Variants in SKAP1 observed in about 807,000 individuals in gnomAD.
SKAP1 encodes the protein src kinase-associated phosphoprotein 1.
Under a neutral mutation model 58.5 loss-of-function variants are expected in SKAP1, and 44 were observed. The observed-to-expected ratio is 0.75, with a 90% confidence interval of 0.59 to 0.97. The LOEUF (loss-of-function observed/expected upper bound fraction) is 0.97. Among genes scored for constraint, SKAP1 ranks in the 50% least tolerant of loss-of-function variants. The pLI is 0.00. For missense variants in SKAP1, 390 were observed against 435.2 expected (o/e 0.90, Z 0.92); for synonymous variants, 127 against 149.7 (o/e 0.85, Z 1.11).
chr17:48,311,138 A>G (rs1366849642), intron 4 of SKAP1, among the ~76,000 whole-genome samples: 3 of 152,104 alleles, frequency 2.0e-5, no homozygotes, highest in Admixed American at 6.5e-5. Flanking sequence ...TCTCACAATG[A>G]AAGCCCATCT....
At chr17:48,219,402 A>C (rs2064976188) in intron 4 of SKAP1, among the ~76,000 whole-genome samples, 1 of 152,242 alleles carries the variant, frequency 6.6e-6, no homozygotes, top group East Asian at 1.9e-4. Context: ...CCTCAAATAA[A>C]GCACCAGTTC....
chr17:48,176,286 T>C (rs2064289017), intron 9 of SKAP1, among the ~76,000 whole-genome samples: 1 of 152,202 alleles, frequency 6.6e-6, no homozygotes, highest in Admixed American at 6.5e-5. Flanking sequence ...CCGTTGCCAT[T>C]GCAGCTGCTA....
At chr17:48,216,787 T>C (rs1304975951) in intron 4 of SKAP1, among the ~76,000 whole-genome samples, 1 of 152,158 alleles carries the variant, frequency 6.6e-6, no homozygotes, top group African/African-American at 2.4e-5. Context: ...CCACTGCACC[T>C]GGCCTGAATA....
chr17:48,185,537 AGAG>A (rs2064437928), intron 6 of SKAP1, among the ~76,000 whole-genome samples: 1 of 152,172 alleles, frequency 6.6e-6, no homozygotes. Flanking sequence ...AAACAGAAAA[AGAG>A]GAGGTGACTC....
intron 4 of SKAP1, among the ~76,000 whole-genome samples, chr17:48,336,652 G>C (rs1018249566): frequency 1.3e-5 from 2 of 152,008 alleles, no homozygotes; most frequent in African/African-American, 4.8e-5. Context: ...GGGCAGGAAA[G>C]ATGTCCGGCA....
At chr17:48,146,205 A>G (rs2063831030) in intron 11 of SKAP1, among the ~76,000 whole-genome samples, 1 of 152,088 alleles carries the variant, frequency 6.6e-6, no homozygotes, top group African/African-American at 2.4e-5. Flanking sequence ...AATACAATGA[A>G]GGAGAGGCCG....
chr17:48,343,961 T>C (rs2066689741), intron 4 of SKAP1, among the ~76,000 whole-genome samples: 1 of 152,166 alleles, frequency 6.6e-6, no homozygotes, highest in Admixed American at 6.5e-5. Context: ...TCCTTGTCTG[T>C]AAAATAAGGG....
chr17:48,148,938 C>A (rs1233928082), intron 11 of SKAP1, among the ~76,000 whole-genome samples: 1 of 152,180 alleles, frequency 6.6e-6, no homozygotes, highest in Non-Finnish European at 1.5e-5. Context: ...AATCTCGATT[C>A]TCTCAAATGG....
chr17:48,136,465 C>T (rs1478588269), intron 12 of SKAP1: 1 of 152,478 alleles, frequency 6.6e-6, no homozygotes, highest in Non-Finnish European at 1.5e-5. Flanking sequence ...GCCCCTGCGC[C>T]CGGCCTGACC....
At chr17:48,389,222 T>C (rs1287630674) in intron 2 of SKAP1, among the ~76,000 whole-genome samples, 1 of 152,272 alleles carries the variant, frequency 6.6e-6, no homozygotes, top group African/African-American at 2.4e-5. Context: ...ACTACTGGTT[T>C]GTAAACTCTA....
At chr17:48,434,386 G>C (rs2144639913), upstream of SKAP1, among the ~76,000 whole-genome samples, 1 of 152,290 alleles carries the variant, frequency 6.6e-6, no homozygotes, top group Non-Finnish European at 1.5e-5. Flanking sequence ...TACTTCAGTG[G>C]CCTAAAAATG....
At chr17:48,316,004 T>C (rs997403579) in intron 4 of SKAP1, among the ~76,000 whole-genome samples, 2 of 152,150 alleles carry the variant, frequency 1.3e-5, no homozygotes, top group Non-Finnish European at 2.9e-5. Context: ...TATATGCTAA[T>C]ATTTTCCTCC....
intron 4 of SKAP1, among the ~76,000 whole-genome samples, chr17:48,241,549 C>A (rs1032654420): frequency 2.6e-5 from 4 of 151,974 alleles, no homozygotes; most frequent in Non-Finnish European, 4.4e-5. Context: ...TCAGCTGACA[C>A]AAAAAGCAGA....
At chr17:48,300,244 A>G (rs115594309) in intron 4 of SKAP1, among the ~76,000 whole-genome samples, 2,722 of 152,218 alleles carry the variant, frequency 0.018, 71 homozygotes, top group African/African-American at 0.06. Context: ...TTAGGTTGAC[A>G]GTAGAAGACA....
chr17:48,419,326 C>T (rs1176731881), intron 1 of SKAP1, among the ~76,000 whole-genome samples: 1 of 151,852 alleles, frequency 6.6e-6, no homozygotes, highest in Non-Finnish European at 1.5e-5. Context: ...CTCTGCCACC[C>T]CAGGCTGGAG....
chr17:48,422,518 T>C (rs1413838098), intron 1 of SKAP1, among the ~76,000 whole-genome samples: 1 of 152,240 alleles, frequency 6.6e-6, no homozygotes, highest in Non-Finnish European at 1.5e-5. Flanking sequence ...TAGGTACCAT[T>C]ATTATCTCAA....
chr17:48,213,027 G>C (rs1177691158), intron 4 of SKAP1, among the ~76,000 whole-genome samples: 1 of 152,188 alleles, frequency 6.6e-6, no homozygotes, highest in Non-Finnish European at 1.5e-5. Context: ...GTAGGAAAGA[G>C]TGGGTGCCTC....
At chr17:48,381,123 A>T (rs900576607) in intron 2 of SKAP1, among the ~76,000 whole-genome samples, 5 of 152,190 alleles carry the variant, frequency 3.3e-5, no homozygotes, top group Non-Finnish European at 4.4e-5. Flanking sequence ...CTTTCTTTGC[A>T]ACCATTTTCT....
At chr17:48,433,507 C>G (rs140557819), upstream of SKAP1, among the ~76,000 whole-genome samples, 6 of 152,234 alleles carry the variant, frequency 3.9e-5, no homozygotes, top group Non-Finnish European at 8.8e-5. Context: ...TCTTCCCGTC[C>G]CCCCCAGACC....
Sources: gnomAD v4.1 joint callset for allele counts (sites outside exome capture counted in the v4.1 genomes callset) on GRCh38, gnomAD v4.1.1 for gene constraint, MANE v1.5 for transcripts, NCBI Gene and HGNC (gene_info 2026-07-23, HGNC 2026-07-21) for gene names.